Variants in PI15 observed in about 807,000 individuals in gnomAD.
The protein encoded by PI15 is peptidase inhibitor 15, also known as 25 kDa trypsin inhibitor.
Under a neutral mutation model 31.0 loss-of-function variants are expected in PI15, and 18 were observed. The observed-to-expected ratio is 0.58, with a 90% confidence interval of 0.40 to 0.86. The LOEUF is 0.86. Ranked by LOEUF, PI15 falls within the 40% of genes least tolerant of loss-of-function variation. PI15 has a pLI of 0.00. For synonymous variants in PI15, 118 were observed against 119.1 expected (o/e 0.99, Z 0.06); for missense variants, 282 against 328.1 (o/e 0.86, Z 1.09).
chr8:74,844,566 T>C (rs1484492638), intron 3 of PI15, among the ~76,000 whole-genome samples: 1 of 152,030 alleles, frequency 6.6e-6, no homozygotes, highest in Non-Finnish European at 1.5e-5. Context: ...TTTATACACA[T>C]ACATATACAT....
At chr8:74,846,905 G>A (rs1445050265) in intron 5 of PI15, among the ~76,000 whole-genome samples, 2 of 152,012 alleles carry the variant, frequency 1.3e-5, no homozygotes, top group Non-Finnish European at 2.9e-5. Flanking sequence ...AGAATGAATA[G>A]TATAAGTGTA....
chr8:74,845,868 CT>C (rs1196351264), intron 5 of PI15: 3 of 164,516 alleles, frequency 1.8e-5, no homozygotes, highest in African/African-American at 7.2e-5. Context: ...TACAAAAATG[CT>C]GGCTTACCTT....
At chr8:74,834,916 C>G (rs1810839536) in intron 2 of PI15, among the ~76,000 whole-genome samples, 1 of 152,020 alleles carries the variant, frequency 6.6e-6, no homozygotes, top group Non-Finnish European at 1.5e-5. Context: ...ATGAACTAAG[C>G]TGCTTGTAGG....
Position 74,849,729 on chromosome 8 carries a change from T to C in PI15, c.*476T>C, listed in dbSNP as rs1242512708. 6.6e-6 allele frequency: 1 copy of C among 152,292 alleles called. No individual in the cohort carries two copies. Among genetic ancestry groups the C allele is most frequent in the Non-Finnish European group, 1.5e-5 (1 of 68,098 alleles). The allele number at this position is 152,292 out of a possible 1,614,324, so 9.4% of individuals were successfully genotyped here. ...ATTTTTAAAAAACTATTCTCAATTA[T>C]ATACGAGGTGATGGGACTTCTTAAC... is the stretch of plus-strand genomic sequence containing the variant. On this transcript the variant is annotated 3_prime_UTR_variant, in exon 6 of 6. Coordinates refer to ENST00000260113, the MANE Select transcript of PI15 (RefSeq NM_015886.5).
intron 2 of PI15, among the ~76,000 whole-genome samples, chr8:74,838,852 T>C (rs1354213039): frequency 6.6e-6 from 1 of 152,206 alleles, no homozygotes; most frequent in African/African-American, 2.4e-5. Flanking sequence ...TAGCCAGAGA[T>C]AGTGGCTGGG....
chr8:74,848,871 C>G (rs185034633), intron 5 of PI15, among the ~76,000 whole-genome samples: 2 of 150,526 alleles, frequency 1.3e-5, no homozygotes, highest in Non-Finnish European at 3.0e-5. Flanking sequence ...GCAGCTGGGA[C>G]TAGAGGCACC....
intron 2 of PI15, among the ~76,000 whole-genome samples, chr8:74,828,680 A>G (rs1810734622): frequency 6.6e-6 from 1 of 152,116 alleles, no homozygotes; most frequent in Non-Finnish European, 1.5e-5. Flanking sequence ...GATACCTCAC[A>G]GATATATGTG....
rs1811106286 is a variant in PI15, at chr8:74,851,683, G to C, written c.*2430G>C. ...AAATGCTTATATGAATGGATTTTTAGAATTAACTAAGAAGCCAAAAATGGC... is the reference window on the plus strand; with the variant it reads ...AAATGCTTATATGAATGGATTTTTACAATTAACTAAGAAGCCAAAAATGGC... On this transcript the variant is annotated 3_prime_UTR_variant, in exon 6 of 6. Transcript: ENST00000260113. The C allele has an allele frequency of 6.6e-6, 1 of 151,890 alleles. No homozygotes were observed. The highest frequency in any genetic ancestry group is 2.4e-5 in the African/African-American group (1 of 41,396). The allele number at this position is 151,890 out of a possible 1,614,324, so 9.4% of individuals were successfully genotyped here. A position where few individuals can be genotyped will look rare whatever the true frequency, so the allele number is the denominator to read the frequency against.
At chr8:74,847,898 C>T (rs963756723) in intron 5 of PI15, among the ~76,000 whole-genome samples, 4 of 152,026 alleles carry the variant, frequency 2.6e-5, no homozygotes, top group Non-Finnish European at 4.4e-5. Context: ...TTTTTACCAC[C>T]GATAACCAAA....
intron 5 of PI15, among the ~76,000 whole-genome samples, chr8:74,847,917 C>T (rs543183141): frequency 3.3e-5 from 5 of 152,144 alleles, no homozygotes; most frequent in South Asian, 2.1e-4. Flanking sequence ...AATTTTCTCC[C>T]GACCATTTAA....
Position 74,825,535 on chromosome 8 carries a change from CTT to C in PI15, c.273+26_273+27del, listed in dbSNP as rs36083765. The C allele has an allele frequency of 1.2e-3, 1,666 of 1,407,000 alleles. No homozygotes were observed. Among genetic ancestry groups the C allele is most frequent in the Middle Eastern group, 1.3e-3 (7 of 5,218 alleles). The allele number at this position is 1,407,000 out of a possible 1,614,324, so 87.2% of individuals were successfully genotyped here. ...TATGGAATATATGGTAAGAAGAATT[CTT>C]TTTTTTTTTTTTAAGTTCTGAGTGA... On this transcript the variant is annotated intron_variant, in intron 2 of 5. Transcript: ENST00000260113.
chr8:74,840,797 C>G (rs1810934105), intron 2 of PI15, among the ~76,000 whole-genome samples: 1 of 152,124 alleles, frequency 6.6e-6, no homozygotes, highest in Non-Finnish European at 1.5e-5. Context: ...AGGTAGAAAC[C>G]CTCCTAGTTT....
intron 2 of PI15, among the ~76,000 whole-genome samples, chr8:74,839,736 A>G (rs1480604280): frequency 6.6e-6 from 1 of 152,118 alleles, no homozygotes; most frequent in Non-Finnish European, 1.5e-5. Flanking sequence ...ATAGATAACA[A>G]TTTGTTGCAT....
At chr8:74,830,713 T>C (rs1312218204) in intron 2 of PI15, among the ~76,000 whole-genome samples, 1 of 152,194 alleles carries the variant, frequency 6.6e-6, no homozygotes, top group Non-Finnish European at 1.5e-5. Context: ...TATATCTTTT[T>C]TTTAACAAAG....
In PI15 at chr8:74,825,466, T is replaced by A; in HGVS notation, c.217T>A (p.Tyr73Asn). The A allele has an allele frequency of 8.1e-6, 13 of 1,613,098 alleles. No individual in the cohort carries two copies. The highest frequency in any genetic ancestry group is 1.3e-5 in the African/African-American group (1 of 74,926). The change falls in exon 2 of 6, where the codon TAT becomes AAT. Residue 73 changes from tyrosine (Y) to asparagine (N), a missense_variant. Transcript: ENST00000260113. The part of the protein sequence containing the change: ...SQNDMIAILD[Y>N]HNQVRGKVFP... ...GAATGACATGATCGCCATTCTTGAT[T>A]ATCATAATCAAGTTCGGGGCAAAGT...
chr8:74,834,892 T>A (rs1586953932), intron 2 of PI15, among the ~76,000 whole-genome samples: 1 of 108,936 alleles, frequency 9.2e-6, no homozygotes, highest in Non-Finnish European at 2.0e-5. Flanking sequence ...ATTCTCCTGA[T>A]GATTCACATT....
intron 2 of PI15, among the ~76,000 whole-genome samples, chr8:74,841,767 T>A (rs575273523): frequency 6.6e-6 from 1 of 152,318 alleles, no homozygotes; most frequent in Non-Finnish European, 1.5e-5. Context: ...TGTTAATATT[T>A]GGTCAGAAGA....
intron 2 of PI15, among the ~76,000 whole-genome samples, chr8:74,830,000 GAGA>G (rs772868025): frequency 2.0e-5 from 3 of 152,172 alleles, no homozygotes; most frequent in East Asian, 1.9e-4. Context: ...GAAGATTTTA[GAGA>G]AGGATTAGGG....
chr8:74,849,090 A>C, intron 5 of PI15, 28 bp from the exon 6 acceptor site: 1 of 1,603,974 alleles, frequency 6.2e-7, no homozygotes, highest in South Asian at 1.1e-5. Flanking sequence ...GGTTGCACTA[A>C]TGCTATCTTT....
Sources: allele counts gnomAD v4.1 joint callset (sites outside exome capture counted in the v4.1 genomes callset), GRCh38; gene constraint gnomAD v4.1.1; transcripts MANE v1.5; gene names NCBI Gene and HGNC (gene_info 2026-07-23, HGNC 2026-07-21).